Variants in FZD8 observed in about 807,000 individuals in gnomAD.
FZD8 encodes frizzled-8.
In FZD8, 18 loss-of-function variants were observed where a neutral mutation model predicts 46.0. The observed-to-expected ratio is 0.39, with a 90% CI of 0.27 to 0.58. The LOEUF (loss-of-function observed/expected upper bound fraction) is 0.58, where lower values mean the gene tolerates loss of function less well. Among genes scored for constraint, FZD8 ranks in the 20% least tolerant of loss-of-function variants. The pLI, the probability that FZD8 is intolerant of heterozygous loss-of-function variation, is 0.55. For synonymous variants in FZD8, 586 were observed against 467.9 expected, an observed-to-expected ratio of 1.25 and a Z score of -3.26; for missense variants, 785 against 983.4, an observed-to-expected ratio of 0.80 and a Z score of 2.70.
chr10:35,640,888 C>T lies in FZD8; in HGVS notation c.542G>A (p.Gly181Asp). Residue 181 changes from glycine (G) to aspartate (D), a missense_variant, in exon 1 of 1, where the codon GGC becomes GAC. By Grantham distance (94) the Gly-to-Asp change is moderately conservative. This residue lies in a region of FZD8 where 354 missense variants were observed against 433.2 expected (regional missense o/e 0.82). Coordinates refer to ENST00000374694, the MANE Select transcript of FZD8 (RefSeq NM_031866.3). ...CCTGGCCCCCGGCGGGCGGCCGTGGCCGCTGCCCGAAGGCGGCTGCTCGCC... is the reference window on the plus strand; with the variant it reads ...CCTGGCCCCCGGCGGGCGGCCGTGGTCGCTGCCCGAAGGCGGCTGCTCGCC... The part of the protein sequence containing the change: ...PPGEQPPSGS[G>D]HGRPPGARPP... 1 of 1,019,278 alleles carries T rather than the reference C, an allele frequency of 9.8e-7. No individual in the cohort carries two copies. The allele number at this position is 1,019,278 out of a possible 1,614,324, so 63.1% of individuals were successfully genotyped here. A position where few individuals can be genotyped will look rare whatever the true frequency, so the allele number is the denominator to read the frequency against.
In FZD8 at chr10:35,639,352, T is replaced by C; in HGVS notation, c.2078A>G (p.Gln693Arg). 8.3e-7 allele frequency: 1 copy of C among 1,206,584 alleles called. No individual in the cohort carries two copies. The highest frequency in any genetic ancestry group is 1.1e-6 in the Non-Finnish European group (1 of 900,192). 74.7% of individuals were successfully genotyped at this position (1,206,584 alleles called of 1,614,324 possible). ...VSYPKQMPLS[Q>R]V Reference sequence around the variant, plus strand: ...GCGCCCCCTCCCCTCCGCTCAGACCTGGGACAATGGCATCTGCTTTGGATA... The same window carrying C: ...GCGCCCCCTCCCCTCCGCTCAGACCCGGGACAATGGCATCTGCTTTGGATA... Residue 693 changes from glutamine (Q) to arginine (R), a missense_variant, in exon 1 of 1, where the codon CAG becomes CGG. Transcript: ENST00000374694.
In FZD8 at chr10:35,640,503, C is replaced by T. The variant is rs1268444864; in HGVS notation, c.927G>A (p.Pro309=). The T allele has an allele frequency of 1.9e-6, 3 of 1,583,592 alleles. No individual in the cohort carries two copies. The highest frequency in any genetic ancestry group is 2.6e-6 in the Non-Finnish European group (3 of 1,162,838). The change falls in exon 1 of 1, where the codon CCG becomes CCA. Residue 309 remains proline (P), a synonymous_variant. Coordinates refer to ENST00000374694, the MANE Select transcript of FZD8 (RefSeq NM_031866.3). ...FLIDMERFKY[P]ERPIIFLSAC... ...CCGAGAGGAAGATAATGGGCCGCTC[C>T]GGGTACTTGAAGCGCTCCATGTCGA...
At position 35,640,774 on chromosome 10, in the gene FZD8, C is replaced by G. The variant is rs756550509; in HGVS notation, c.656G>C (p.Arg219Pro). The G allele has an allele frequency of 8.5e-7, 1 of 1,179,786 alleles. No individual in the cohort carries two copies. Among genetic ancestry groups the G allele is most frequent in the Non-Finnish European group, 1.0e-6 (1 of 954,200 alleles). 73.1% of individuals were successfully genotyped at this position (1,179,786 alleles called of 1,614,324 possible). A position where few individuals can be genotyped will look rare whatever the true frequency, so the allele number is the denominator to read the frequency against. ...ARGGGGGGKA[R>P]PPGGGAAPCE... Reference sequence around the variant, plus strand: ...GGGAGCCGCGCCGCCGCCAGGGGGCCGCGCCTTCCCGCCACCGCCGCCGCC... The same window carrying G: ...GGGAGCCGCGCCGCCGCCAGGGGGCGGCGCCTTCCCGCCACCGCCGCCGCC... The change falls in exon 1 of 1, where the codon CGG (arginine) becomes CCG (proline). Residue 219 changes from arginine to proline, a missense_variant. Around this residue, in one of 5 missense-constraint regions of FZD8, gnomAD observed 354 missense variants for 433.2 expected, o/e 0.82. Transcript: ENST00000374694.
rs753573042 is a variant in FZD8 at position 35,640,490 on chromosome 10, T to C, written c.940A>G (p.Ile314Val). ...ERFKYPERPIIFLSACYLFVS... is the reference protein window; with the variant it reads ...ERFKYPERPIVFLSACYLFVS... ...AAGAGGTAGCAGGCCGAGAGGAAGA[T>C]AATGGGCCGCTCCGGGTACTTGAAG... The change falls in exon 1 of 1, where the codon ATC (isoleucine) becomes GTC (valine). Residue 314 changes from isoleucine to valine, a missense_variant. By Grantham distance (29) the Ile-to-Val change is conservative. This residue lies in a region of FZD8 where 11 missense variants were observed against 43.3 expected (regional missense o/e 0.25). Transcript: ENST00000374694. 1.3e-6 allele frequency: 2 copies of C among 1,582,632 alleles called. No homozygotes were observed. The highest frequency in any genetic ancestry group is 3.5e-5 in the Admixed American group (2 of 57,530).
In FZD8 at chr10:35,639,478, C is replaced by T. The variant is rs1172651320; in HGVS notation, c.1952G>A (p.Gly651Glu). The T allele has an allele frequency of 6.1e-6, 6 of 975,776 alleles. No homozygotes were observed. The highest frequency in any genetic ancestry group is 1.1e-4 in the East Asian group (1 of 9,254). The allele number at this position is 975,776 out of a possible 1,614,324, so 60.4% of individuals were successfully genotyped here. The change falls in exon 1 of 1, where the codon GGA (glycine) becomes GAA (glutamate). Residue 651 changes from glycine to glutamate, a missense_variant. Physicochemically the swap from Gly to Glu is moderately conservative, Grantham distance 98. Around this residue, in one of 5 missense-constraint regions of FZD8, gnomAD observed 185 missense variants for 180.8 expected, o/e 1.02. Coordinates refer to ENST00000374694, the MANE Select transcript of FZD8 (RefSeq NM_031866.3). ...GCCCGGCCCCCCGCCGCCGCCGGGT[C>T]CCCCGCCGCCGCCGCCCCCCGGCCC... ...GGGPGGGGGG[G>E]PGGGGGPGGG...
At position 35,640,696 on chromosome 10, in the gene FZD8, C is replaced by G; in HGVS notation, c.734G>C (p.Arg245Pro). Residue 245 changes from arginine to proline, a missense_variant, in exon 1 of 1, where the codon CGC becomes CCC. This residue lies in a region of FZD8 where 354 missense variants were observed against 433.2 expected (regional missense o/e 0.82). Transcript: ENST00000374694. ...CTTGACGCGGTTGTAGAGCGGGTGG[C>G]GCTCGCTGGACACGCTCACCATAGG... The part of the protein sequence containing the change: ...RAPMVSVSSE[R>P]HPLYNRVKTG... 1 of 1,520,028 alleles carries G rather than the reference C, an allele frequency of 6.6e-7. No individual in the cohort carries two copies. Among genetic ancestry groups the G allele is most frequent in the Non-Finnish European group, 8.9e-7 (1 of 1,126,300 alleles). 94.2% of individuals were successfully genotyped at this position (1,520,028 alleles called of 1,614,324 possible). A position where few individuals can be genotyped will look rare whatever the true frequency, so the allele number is the denominator to read the frequency against.
chr10:35,641,412 C>A lies in FZD8; in HGVS notation c.18G>T (p.Leu6=). The change falls in exon 1 of 1, where the codon CTG becomes CTT. Residue 6 remains leucine (L), a synonymous_variant. Transcript: ENST00000374694. The surrounding 1 kb of genome is among the most constrained non-coding windows in gnomAD (Gnocchi z 6.3). MEWGY[L]LEVTSLLAAL... is the part of the protein sequence containing the mutation. ...CGGCCAGCAGCGAGGTCACTTCCAA[C>A]AGGTAACCCCACTCCATGCTGTGCG... The A allele has an allele frequency of 1.2e-6, 2 of 1,609,356 alleles. No homozygotes were observed. The highest frequency in any genetic ancestry group is 1.7e-6 in the Non-Finnish European group (2 of 1,179,192).
At position 35,641,811 on chromosome 10, in the gene FZD8, T is replaced by TC. The variant is rs1390905690; in HGVS notation, c.-383dup. On this transcript the variant is annotated 5_prime_UTR_variant, in exon 1 of 1. Transcript: ENST00000374694. The surrounding 1 kb of genome is among the most constrained non-coding windows in gnomAD (Gnocchi z 6.3). ...TCCTCTCCGCGCGCCCGACCACTTC[T>TC]CCCCGCCGCGCCGGGCGGCGGTGAC... 1 of 160,520 alleles carries TC rather than the reference T, an allele frequency of 6.2e-6. No individual in the cohort carries two copies. Among genetic ancestry groups the TC allele is most frequent in the East Asian group, 1.8e-4 (1 of 5,638 alleles). 9.9% of individuals were successfully genotyped at this position (160,520 alleles called of 1,614,324 possible). A position where few individuals can be genotyped will look rare whatever the true frequency, so the allele number is the denominator to read the frequency against.
chr10:35,638,282 G>T lies in FZD8; in HGVS notation c.*1063C>A, dbSNP rs1484429838. On this transcript the variant is annotated 3_prime_UTR_variant, in exon 1 of 1. Transcript: ENST00000374694. ...TGAAACCTTTAGTGATACCATGCAG[G>T]ATAAATAACAAGGCCTAAGGGGAAT... is the stretch of plus-strand genomic sequence containing the variant. The T allele has an allele frequency of 6.6e-6, 1 of 152,364 alleles. No homozygotes were observed. 9.4% of individuals were successfully genotyped at this position (152,364 alleles called of 1,614,324 possible).
rs1480664252 is a variant in FZD8 at position 35,640,942 on chromosome 10, G to A, written c.488C>T (p.Pro163Leu). 29 of 1,330,942 alleles carry A rather than the reference G, an allele frequency of 2.2e-5. No individual in the cohort carries two copies. Among genetic ancestry groups the A allele is most frequent in the Non-Finnish European group, 1.7e-5 (18 of 1,039,356 alleles). 82.4% of individuals were successfully genotyped at this position (1,330,942 alleles called of 1,614,324 possible). A position where few individuals can be genotyped will look rare whatever the true frequency, so the allele number is the denominator to read the frequency against. The change falls in exon 1 of 1, where the codon CCG (proline) becomes CTG (leucine). Residue 163 changes from proline (P) to leucine (L), a missense_variant. Around this residue, in one of 5 missense-constraint regions of FZD8, gnomAD observed 354 missense variants for 433.2 expected, o/e 0.82. Coordinates refer to ENST00000374694, the MANE Select transcript of FZD8 (RefSeq NM_031866.3). ...RTDLTTAAPS[P>L]PRRLPPPPPG... ...CGGCGGCGGCGGCAGGCGGCGCGGC[G>A]GGCTGGGCGCGGCGGTGGTTAGGTC...
rs1203654403 is a variant in FZD8 at position 35,640,333 on chromosome 10, C to CCCGCGCCCG, written c.1088_1096dup (p.Ala363_Ala365dup). The CCCGCGCCCG allele has an allele frequency of 2.4e-5, 24 of 1,012,970 alleles. No homozygotes were observed. The highest frequency in any genetic ancestry group is 3.5e-5 in the African/African-American group (2 of 57,364). The allele number at this position is 1,012,970 out of a possible 1,614,324, so 62.7% of individuals were successfully genotyped here. On this transcript the variant is annotated inframe_insertion, in exon 1 of 1. Transcript: ENST00000374694. ...GCCGCGCCCGCCCGGGCCGCCCGCG[C>CCCGCGCCCG]CCGCGCCCGCCGCGCCCGCGCCCGC...
rs1433752918 is a variant in FZD8, at chr10:35,641,524, G to A, written c.-95C>T. The A allele has an allele frequency of 1.4e-6, 2 of 1,445,002 alleles. No homozygotes were observed. Among genetic ancestry groups the A allele is most frequent in the Admixed American group, 2.6e-5 (1 of 38,624 alleles). 89.5% of individuals were successfully genotyped at this position (1,445,002 alleles called of 1,614,324 possible). On this transcript the variant is annotated 5_prime_UTR_variant, in exon 1 of 1. Coordinates refer to ENST00000374694, the MANE Select transcript of FZD8 (RefSeq NM_031866.3). The surrounding 1 kb of genome is among the most constrained non-coding windows in gnomAD (Gnocchi z 6.3). ...CGAGAGAGCCGCAGACGGGTACAGC[G>A]GGTGATCTGGGGTCTCCCTTATGCT...
Position 35,641,987 on chromosome 10 carries a change from A to AGCC in FZD8, c.-561_-559dup, listed in dbSNP as rs1222350326. The AGCC allele has an allele frequency of 5.9e-4, 92 of 155,768 alleles. 1 individual carries two copies. Among genetic ancestry groups the AGCC allele is most frequent in the Admixed American group, 2.7e-3 (42 of 15,298 alleles). 9.6% of individuals were successfully genotyped at this position (155,768 alleles called of 1,614,324 possible). A position where few individuals can be genotyped will look rare whatever the true frequency, so the allele number is the denominator to read the frequency against. ...GGGCTCATGCCCGCCCCCAAGGCCAAGCCGCCGCCGCCGCCGCCGGAGTTG... is the reference window on the plus strand; with the variant it reads ...GGGCTCATGCCCGCCCCCAAGGCCAAGCCGCCGCCGCCGCCGCCGCCGGAGTTG... On this transcript the variant is annotated 5_prime_UTR_variant, in exon 1 of 1. Coordinates refer to ENST00000374694, the MANE Select transcript of FZD8 (RefSeq NM_031866.3). The surrounding 1 kb of genome is among the most constrained non-coding windows in gnomAD (Gnocchi z 6.3).
Position 35,640,467 on chromosome 10 carries a change from G to A in FZD8, c.963C>T (p.Leu321=), listed in dbSNP as rs1835837977. Residue 321 remains leucine, a synonymous_variant, in exon 1 of 1, where the codon CTC becomes CTT. Coordinates refer to ENST00000374694, the MANE Select transcript of FZD8 (RefSeq NM_031866.3). ...RPIIFLSACY[L]FVSVGYLVRL... ...GCACTAGGTAGCCCACCGACACGAA[G>A]AGGTAGCAGGCCGAGAGGAAGATAA... 3.2e-6 allele frequency: 5 copies of A among 1,568,488 alleles called. No homozygotes were observed. Among genetic ancestry groups the A allele is most frequent in the East Asian group, 2.4e-5 (1 of 42,070 alleles).
In FZD8 at chr10:35,640,285, A is replaced by G; in HGVS notation, c.1145T>C (p.Val382Ala). Residue 382 changes from valine (V) to alanine (A), a missense_variant, in exon 1 of 1, where the codon GTG becomes GCG. By Grantham distance (64) the Val-to-Ala change is moderately conservative. This residue lies in a region of FZD8 where 88 missense variants were observed against 83.6 expected (regional missense o/e 1.05). Transcript: ENST00000374694. ...GGTCTCGTAGCGCACGTGCTGCTCC[A>G]CCGCGCCCAGCTCCTCGTACTCGCC... ...GRGEYEELGA[V>A]EQHVRYETTG... 1.3e-6 allele frequency: 2 copies of G among 1,591,144 alleles called. No individual in the cohort carries two copies. Among genetic ancestry groups the G allele is most frequent in the Non-Finnish European group, 1.7e-6 (2 of 1,174,660 alleles).
Position 35,639,954 on chromosome 10 carries a change from G to A in FZD8, c.1476C>T (p.Tyr492=), listed in dbSNP as rs367748986. 2.0e-5 allele frequency: 32 copies of A among 1,613,080 alleles called. No individual in the cohort carries two copies. The highest frequency in any genetic ancestry group is 4.0e-5 in the African/African-American group (3 of 74,880). Residue 492 remains tyrosine (Y), a synonymous_variant, in exon 1 of 1, where the codon TAC becomes TAT. Coordinates refer to ENST00000374694, the MANE Select transcript of FZD8 (RefSeq NM_031866.3). ...GCAGGAACATGGTGCCGATGAAGAG[G>A]TAGATGACCAGCGGCGCCAGCACGA... is the stretch of plus-strand genomic sequence containing the variant. ...RGFVLAPLVI[Y]LFIGTMFLLA...
Position 35,640,917 on chromosome 10 carries a change from C to A in FZD8, c.513G>T (p.Pro171=), listed in dbSNP as rs1203397206. 10 of 1,179,956 alleles carry A rather than the reference C, an allele frequency of 8.5e-6. No homozygotes were observed. Among genetic ancestry groups the A allele is most frequent in the Non-Finnish European group, 9.5e-6 (9 of 947,268 alleles). The allele number at this position is 1,179,956 out of a possible 1,614,324, so 73.1% of individuals were successfully genotyped here. ...TGCCCGAAGGCGGCTGCTCGCCGGG[C>A]GGCGGCGGCGGCAGGCGGCGCGGCG... ...PSPPRRLPPP[P]PGEQPPSGSG... is the part of the protein sequence containing the mutation. Residue 171 remains proline, a synonymous_variant, in exon 1 of 1, where the codon CCG becomes CCT. Coordinates refer to ENST00000374694, the MANE Select transcript of FZD8 (RefSeq NM_031866.3).
Position 35,641,334 on chromosome 10 carries a change from C to G in FZD8, c.96G>C (p.Glu32Asp). 1 of 1,613,884 alleles carries G rather than the reference C, an allele frequency of 6.2e-7. No homozygotes were observed. The highest frequency in any genetic ancestry group is 1.1e-5 in the South Asian group (1 of 91,088). The change falls in exon 1 of 1, where the codon GAG (glutamate) becomes GAC (aspartate). Residue 32 changes from glutamate to aspartate, a missense_variant. Glu to Asp is a conservative substitution (Grantham distance 45). Around this residue, in one of 5 missense-constraint regions of FZD8, gnomAD observed 354 missense variants for 433.2 expected, o/e 0.82. Transcript: ENST00000374694. This position sits in a 1 kb window ranked among gnomAD's most constrained non-coding sequence, Gnocchi z 6.3. ...GCACGGTGATCTCTTGGCATGCCAG[C>G]TCCTTGGCCGAGGCGGCCGCAGCGC... ...SSGAAAASAK[E>D]LACQEITVPL...
chr10:35,640,093 C>G lies in FZD8; in HGVS notation c.1337G>C (p.Trp446Ser). ...GYSQYFHLAA[W>S]LVPSVKSIAV... ...GATGGACTTGACGCTGGGCACAAGC[C>G]ACGCGGCCAGGTGGAAGTACTGCGA... The change falls in exon 1 of 1, where the codon TGG becomes TCG. Residue 446 changes from tryptophan (W) to serine (S), a missense_variant. This residue lies in a region of FZD8 where 147 missense variants were observed against 242.5 expected (regional missense o/e 0.61). Coordinates refer to ENST00000374694, the MANE Select transcript of FZD8 (RefSeq NM_031866.3). 6.2e-7 allele frequency: 1 copy of G among 1,611,966 alleles called. No individual in the cohort carries two copies. Among genetic ancestry groups the G allele is most frequent in the Non-Finnish European group, 8.5e-7 (1 of 1,179,652 alleles).
Sources: gnomAD v4.1 joint callset for allele counts on GRCh38, gnomAD v4.1.1 for gene constraint, gnomAD v4.1.1 regional missense constraint, Gnocchi (gnomAD v3.1) non-coding constraint, MANE v1.5 for transcripts, NCBI Gene and HGNC (gene_info 2026-07-23, HGNC 2026-07-21) for gene names.